The following CTNND2 variants were observed in gnomAD, a reference collection of about 807,000 sequenced individuals.
CTNND2 encodes catenin delta 2, also known as catenin delta-2.
CTNND2 carries 22 observed loss-of-function variants against 144.4 expected under a neutral mutation model. The observed-to-expected ratio is 0.15, with a 90% confidence interval of 0.11 to 0.22. The LOEUF (loss-of-function observed/expected upper bound fraction) is 0.22, where lower values mean the gene tolerates loss of function less well. Ranked by LOEUF, CTNND2 falls within the 10% of genes least tolerant of loss-of-function variation. CTNND2 has a pLI of 1.00. For missense variants in CTNND2, 1,353 were observed against 1,618.8 expected (o/e 0.84, Z 2.82); for synonymous variants, 751 against 695.6 (o/e 1.08, Z -1.25).
Position 11,542,872 on chromosome 5 carries a change from T to C in CTNND2, c.287+22072A>G, listed in dbSNP as rs547368575. ...AAGGGAGGCTACACTTTTGGGGAGG[T>C]CAGGATGGGGAGTGCACAGGATGTC... On this transcript the variant is annotated intron_variant, in intron 3 of 21. Coordinates refer to ENST00000304623, the MANE Select transcript of CTNND2 (RefSeq NM_001332.4). Among the ~76,000 whole-genome samples, 268 of 152,148 alleles carry C rather than the reference T, an allele frequency of 1.8e-3. 3 individuals are homozygous for C. In the South Asian group the frequency reaches 0.023, roughly 13 times the overall value.
chr5:11,763,538 C>T (rs1236928621), intron 1 of CTNND2, among the ~76,000 whole-genome samples: 3 of 152,186 alleles, frequency 2.0e-5, no homozygotes, highest in African/African-American at 7.2e-5. Context: ...GTAGAAGAAA[C>T]ACTGACTTAG....
In CTNND2 at chr5:11,500,947, G is replaced by A. The variant is rs150404635; in HGVS notation, c.287+63997C>T. Among the ~76,000 whole-genome samples the A allele has an allele frequency of 9.5e-3, 1,449 of 152,270 alleles. 11 individuals carry two copies. Among genetic ancestry groups the A allele is most frequent in the South Asian group, 0.017 (81 of 4,822 alleles). Reference sequence around the variant, plus strand: ...AAAGATTGCATTAGCCAGAACATTAGCATGTCAGCTATAAATACCTCTTAA... The same window carrying A: ...AAAGATTGCATTAGCCAGAACATTAACATGTCAGCTATAAATACCTCTTAA... On this transcript the variant is annotated intron_variant, in intron 3 of 21. Transcript: ENST00000304623.
chr5:11,368,055 A>G lies in CTNND2; in HGVS notation c.1178-3165T>C, dbSNP rs144174550. The stretch of plus-strand genomic sequence containing the variant: ...AGGCACTGGCAATTTTTCATATACA[A>G]TGCGTTTCTGAAAATGAGCTTGAAG... On this transcript the variant is annotated intron_variant, in intron 7 of 21. Coordinates refer to ENST00000304623, the MANE Select transcript of CTNND2 (RefSeq NM_001332.4). Among the ~76,000 whole-genome samples the G allele has an allele frequency of 3.4e-3, 519 of 152,288 alleles. 1 individual carries two copies. Among genetic ancestry groups the G allele is most frequent in the African/African-American group, 0.012 (485 of 41,562 alleles).
chr5:11,864,932 T>A (rs527291651), intron 1 of CTNND2, among the ~76,000 whole-genome samples: 4 of 112,604 alleles, frequency 3.6e-5, no homozygotes, highest in Admixed American at 1.4e-4. Flanking sequence ...TTCACTCTTG[T>A]TGCCCAGGCT....
At chr5:11,089,318 TTTAACAAG>T in intron 15 of CTNND2, among the ~76,000 whole-genome samples, 1 of 152,362 alleles carries the variant, frequency 6.6e-6, no homozygotes, top group East Asian at 1.9e-4. Flanking sequence ...GCCCTAAGGC[TTTAACAAG>T]CAATGCTGGA....
intron 1 of CTNND2, among the ~76,000 whole-genome samples, chr5:11,767,212 T>C (rs1789646620): frequency 6.6e-6 from 1 of 152,204 alleles, no homozygotes; most frequent in African/African-American, 2.4e-5. Context: ...CTCCTAGAAT[T>C]GAGTAATGTG....
chr5:11,156,829 G>C (rs944130644), intron 12 of CTNND2, among the ~76,000 whole-genome samples: 1 of 152,170 alleles, frequency 6.6e-6, no homozygotes, highest in Admixed American at 6.5e-5. Context: ...AGAAAGAAGG[G>C]AGAGGGAGAA....
intron 9 of CTNND2, among the ~76,000 whole-genome samples, chr5:11,299,878 C>G (rs555312275): frequency 6.6e-6 from 1 of 152,268 alleles, no homozygotes; most frequent in South Asian, 2.1e-4. Flanking sequence ...GGAGATCTGG[C>G]AAAGGCAGGT....
chr5:11,548,401 G>T (rs1055290057), intron 3 of CTNND2, among the ~76,000 whole-genome samples: 9 of 152,112 alleles, frequency 5.9e-5, no homozygotes, highest in African/African-American at 1.9e-4. Context: ...CTGCATATTT[G>T]CAATAGTACA....
At chr5:11,810,659 AT>A (rs1792280743) in intron 1 of CTNND2, among the ~76,000 whole-genome samples, 1 of 152,212 alleles carries the variant, frequency 6.6e-6, no homozygotes, top group African/African-American at 2.4e-5. Flanking sequence ...AATGCTTATT[AT>A]AAGGCATGAT....
At chr5:11,592,234 G>GCCTGCCTT (rs1283233582) in intron 2 of CTNND2, among the ~76,000 whole-genome samples, 2 of 133,008 alleles carry the variant, frequency 1.5e-5, no homozygotes, top group African/African-American at 5.8e-5. Context: ...CTTCCTGCCT[G>GCCTGCCTT]CCTGCCTTCC....
chr5:11,230,986 T>G (rs1324057200), intron 10 of CTNND2, among the ~76,000 whole-genome samples: 1 of 148,496 alleles, frequency 6.7e-6, no homozygotes, highest in Non-Finnish European at 1.5e-5. Flanking sequence ...CAAATCTCAC[T>G]TTGAATTGTA....
chr5:11,210,258 C>T (rs1437087164), intron 10 of CTNND2, among the ~76,000 whole-genome samples: 4 of 152,090 alleles, frequency 2.6e-5, no homozygotes, highest in Non-Finnish European at 5.9e-5. Context: ...ATTAGCCAGG[C>T]GTGGTGGTGC....
intron 18 of CTNND2, among the ~76,000 whole-genome samples, chr5:11,015,139 TG>T (rs1741477188): frequency 6.6e-6 from 1 of 152,210 alleles, no homozygotes; most frequent in Non-Finnish European, 1.5e-5. Flanking sequence ...TTAAAAGATA[TG>T]GATCAGACAT....
chr5:11,331,732 T>G (rs893046809), intron 9 of CTNND2, among the ~76,000 whole-genome samples: 1 of 152,144 alleles, frequency 6.6e-6, no homozygotes, highest in African/African-American at 2.4e-5. Flanking sequence ...CTATTTTTAT[T>G]TTATAGAATA....
intron 3 of CTNND2, among the ~76,000 whole-genome samples, chr5:11,488,044 A>G (rs1769001735): frequency 6.6e-6 from 1 of 152,154 alleles, no homozygotes; most frequent in African/African-American, 2.4e-5. Context: ...ATTCTCAGCC[A>G]CTGTTTTGTT....
At chr5:11,726,227 A>C (rs920759843) in intron 2 of CTNND2, among the ~76,000 whole-genome samples, 1 of 152,234 alleles carries the variant, frequency 6.6e-6, no homozygotes, top group Non-Finnish European at 1.5e-5. Flanking sequence ...AAAGGTAAAA[A>C]TGTGAAATAC....
At chr5:11,085,601 T>C (rs1180952229) in intron 15 of CTNND2, among the ~76,000 whole-genome samples, 2 of 152,206 alleles carry the variant, frequency 1.3e-5, no homozygotes, top group Non-Finnish European at 2.9e-5. Flanking sequence ...GCAGCAAACA[T>C]GTATTGTCTA....
chr5:11,610,309 C>T (rs11949536), intron 2 of CTNND2, among the ~76,000 whole-genome samples: 108 of 152,310 alleles, frequency 7.1e-4, no homozygotes, highest in Middle Eastern at 3.4e-3. Context: ...TCGCCTCATA[C>T]ACTGTAGCTT....
Sources: gnomAD v4.1 joint callset for allele counts (sites outside exome capture counted in the v4.1 genomes callset) on GRCh38, gnomAD v4.1.1 for gene constraint, MANE v1.5 for transcripts, NCBI Gene and HGNC (gene_info 2026-07-23, HGNC 2026-07-21) for gene names.